The following AHDC1 variants were observed in gnomAD, a reference collection of about 807,000 sequenced individuals.
AHDC1 encodes transcription factor Gibbin.
A neutral mutation model predicts 87.9 loss-of-function variants in AHDC1; 7 were observed. The ratio of observed to expected loss-of-function variants is 0.08; its 90% CI spans 0.05 to 0.15. AHDC1 has a LOEUF of 0.15. Among genes scored for constraint, AHDC1 ranks in the 10% least tolerant of loss-of-function variants. AHDC1 has a pLI of 1.00. For synonymous variants in AHDC1, 1,051 were observed against 1,006.8 expected (o/e 1.04, Z -0.83); for missense variants, 1,841 against 2,253.2 (o/e 0.82, Z 3.70).
chr1:27,573,395 G>A (rs2088606284), intron 3 of AHDC1, among the ~76,000 whole-genome samples: 1 of 152,206 alleles, frequency 6.6e-6, no homozygotes, highest in Non-Finnish European at 1.5e-5. Context: ...AGCCCTCTAT[G>A]TGTGGTAAAG....
chr1:27,549,395 C>T lies in AHDC1; in HGVS notation c.2721G>A (p.Ala907=), dbSNP rs551076197. The T allele has an allele frequency of 1.1e-5, 17 of 1,612,920 alleles. No individual in the cohort carries two copies. The highest frequency in any genetic ancestry group is 2.2e-5 in the East Asian group (1 of 44,866). Residue 907 remains alanine, a synonymous_variant, in exon 8 of 9, where the codon GCG becomes GCA. Transcript: ENST00000673934. ...ACAGGACAGGCTGAAAGGAGGGGTC[C>T]GCCCCAGCCCCGCTGCTACCCACTG... ...PVAVGSSGAG[A]DPSFQPVLSA...
At position 27,558,453 on chromosome 1, in the gene AHDC1, G is replaced by C. The variant is rs1215758842; in HGVS notation, c.-373C>G. 2 of 281,744 alleles carry C rather than the reference G, an allele frequency of 7.1e-6. No individual in the cohort carries two copies. Among genetic ancestry groups the C allele is most frequent in the Non-Finnish European group, 1.3e-5 (2 of 152,248 alleles). 17.5% of individuals were successfully genotyped at this position (281,744 alleles called of 1,614,324 possible). A position where few individuals can be genotyped will look rare whatever the true frequency, so the allele number is the denominator to read the frequency against. ...CCCCTTTCTCCTCCCAGTTCTCTCA[G>C]GTCATCAAGGCGCAGGGAAGAGTCC... On this transcript the variant is annotated 5_prime_UTR_variant, in exon 5 of 9. Transcript: ENST00000673934. This position sits in a 1 kb window ranked among gnomAD's most constrained non-coding sequence, Gnocchi z 5.6.
Position 27,593,715 on chromosome 1 carries a change from C to G in AHDC1, c.-629+9682G>C, listed in dbSNP as rs1428603251. Among the ~76,000 whole-genome samples, 2 of 152,236 alleles carry G rather than the reference C, an allele frequency of 1.3e-5. No homozygotes were observed. On this transcript the variant is annotated intron_variant, in intron 3 of 8. Transcript: ENST00000673934. This position sits in a 1 kb window ranked among gnomAD's most constrained non-coding sequence, Gnocchi z 4.9. Reference sequence around the variant, plus strand: ...TGCTCTGAACCCCTCCCTATCTCACCAATCCCTGCTATCCCCCCAGGGTGG... The same window carrying G: ...TGCTCTGAACCCCTCCCTATCTCACGAATCCCTGCTATCCCCCCAGGGTGG...
At chr1:27,545,063 C>T (rs925046466) in intron 8 of AHDC1, among the ~76,000 whole-genome samples, 6 of 152,086 alleles carry the variant, frequency 3.9e-5, no homozygotes, top group Middle Eastern at 3.4e-3. Flanking sequence ...TGTTCTTCCC[C>T]CTCCCCGCCA....
Position 27,561,358 on chromosome 1 carries a change from C to A in AHDC1, c.-628-2475G>T, listed in dbSNP as rs2020074147. Reference sequence around the variant, plus strand: ...GGCCCTGAGTGTTGGGGGGGAACTTCAGGAGCAAAGCTGCCCTTAGCCCCT... The same window carrying A: ...GGCCCTGAGTGTTGGGGGGGAACTTAAGGAGCAAAGCTGCCCTTAGCCCCT... On this transcript the variant is annotated intron_variant, in intron 3 of 8. Transcript: ENST00000673934. This position sits in a 1 kb window ranked among gnomAD's most constrained non-coding sequence, Gnocchi z 4.2. Among the ~76,000 whole-genome samples the A allele has an allele frequency of 6.6e-6, 1 of 152,126 alleles. No homozygotes were observed. The highest frequency in any genetic ancestry group is 2.4e-5 in the African/African-American group (1 of 41,402).
chr1:27,568,043 C>T (rs1260512695), intron 3 of AHDC1: 2 of 152,318 alleles, frequency 1.3e-5, no homozygotes, highest in Non-Finnish European at 2.9e-5. Context: ...CTCTGTGTGA[C>T]TCTGGATGCA....
At position 27,593,223 on chromosome 1, in the gene AHDC1, C is replaced by T. The variant is rs2089275820; in HGVS notation, c.-629+10174G>A. 6.6e-6 allele frequency among the ~76,000 whole-genome samples: 1 copy of T among 152,020 alleles called. No homozygotes were observed. Among genetic ancestry groups the T allele is most frequent in the South Asian group, 2.1e-4 (1 of 4,826 alleles). ...GAAGGGGGAGCAGCTCCGTCCCTCC[C>T]CTCCCCCTCCACTCCTCCAGGCAGG... is the stretch of plus-strand genomic sequence containing the variant. On this transcript the variant is annotated intron_variant, in intron 3 of 8. Coordinates refer to ENST00000673934, the MANE Select transcript of AHDC1 (RefSeq NM_001371928.1). The surrounding 1 kb of genome is among the most constrained non-coding windows in gnomAD (Gnocchi z 4.9).
At chr1:27,556,637 A>G (rs2019828039) in intron 5 of AHDC1, among the ~76,000 whole-genome samples, 2 of 152,132 alleles carry the variant, frequency 1.3e-5, no homozygotes, top group Non-Finnish European at 2.9e-5. Context: ...CTCATTTGGC[A>G]TCATTTAAAT....
chr1:27,540,156 G>C (rs1034217427), intron 8 of AHDC1, among the ~76,000 whole-genome samples: 11 of 152,182 alleles, frequency 7.2e-5, no homozygotes, highest in African/African-American at 2.7e-4. Context: ...ATGACCAGGT[G>C]GCTCTGAGTC....
rs1329815106 is a variant in AHDC1 at position 27,551,948 on chromosome 1, G to A, written c.168C>T (p.Ala56=). ...SPPDKAFSTH[A]FSENPRPPPR... ...GGGGTGGGCGTGGGTTCTCGGAGAA[G>A]GCGTGGGTGGAGAAGGCCTTGTCAG... is the stretch of plus-strand genomic sequence containing the variant. Residue 56 remains alanine (A), a synonymous_variant, in exon 8 of 9, where the codon GCC becomes GCT. Transcript: ENST00000673934. The A allele has an allele frequency of 6.4e-7, 1 of 1,550,808 alleles. No individual in the cohort carries two copies. Among genetic ancestry groups the A allele is most frequent in the Non-Finnish European group, 8.7e-7 (1 of 1,147,442 alleles).
chr1:27,546,918 TACTC>T (rs2019193982), intron 8 of AHDC1, among the ~76,000 whole-genome samples: 1 of 152,128 alleles, frequency 6.6e-6, no homozygotes, highest in Non-Finnish European at 1.5e-5. Context: ...TCCTGGGAAA[TACTC>T]ACTTCCTGCC....
In AHDC1 at chr1:27,547,278, C is replaced by T. The variant is rs369478688; in HGVS notation, c.*26G>A. The T allele has an allele frequency of 3.4e-5, 52 of 1,514,016 alleles. No homozygotes were observed. The African/African-American group carries it at 6.3e-4, about 18-fold the overall frequency. 93.8% of individuals were successfully genotyped at this position (1,514,016 alleles called of 1,614,324 possible). A position where few individuals can be genotyped will look rare whatever the true frequency, so the allele number is the denominator to read the frequency against. ...AGACTCACCCAGGAACAAAACCTCG[C>T]GGTCCAGTCGGCACTTCAGTTGGCA... On this transcript the variant is annotated 3_prime_UTR_variant, in exon 8 of 9. Transcript: ENST00000673934. The surrounding 1 kb of genome is among the most constrained non-coding windows in gnomAD (Gnocchi z 4.9).
In AHDC1 at chr1:27,550,791, C is replaced by T; in HGVS notation, c.1325G>A (p.Gly442Asp). The T allele has an allele frequency of 6.4e-7, 1 of 1,567,474 alleles. No individual in the cohort carries two copies. Among genetic ancestry groups the T allele is most frequent in the Non-Finnish European group, 8.6e-7 (1 of 1,157,108 alleles). ...CTCTGGGACTGAGACCGGGCCTGGG[C>T]CTGGCAGGGCAGGGGGTGGAGGAGG... is the stretch of plus-strand genomic sequence containing the variant. ...PPPPPPPALP[G>D]PGPVSVPELK... The change falls in exon 8 of 9, where the codon GGC becomes GAC. Residue 442 changes from glycine (G) to aspartate (D), a missense_variant. Physicochemically the swap from Gly to Asp is moderately conservative, Grantham distance 94 (BLOSUM62 -1). Around this residue, in one of 13 missense-constraint regions of AHDC1, gnomAD observed 370 missense variants for 391.5 expected, o/e 0.95. Coordinates refer to ENST00000673934, the MANE Select transcript of AHDC1 (RefSeq NM_001371928.1).
At position 27,550,408 on chromosome 1, in the gene AHDC1, C is replaced by T. The variant is rs776339957; in HGVS notation, c.1708G>A (p.Glu570Lys). The T allele has an allele frequency of 5.6e-6, 9 of 1,611,562 alleles. No homozygotes were observed. Among genetic ancestry groups the T allele is most frequent in the African/African-American group, 1.3e-5 (1 of 75,006 alleles). ...GTGGCCGCTGCCACAGTGGCTGCCT[C>T]GGCCGCCACCACAGCTGGCTCCTTG... ...KPKEPAVVAA[E>K]AATVAAATMA... Residue 570 changes from glutamate to lysine, a missense_variant, in exon 8 of 9, where the codon GAG becomes AAG. By Grantham distance (56) the Glu-to-Lys change is moderately conservative. This residue lies in a region of AHDC1 where 84 missense variants were observed against 111.7 expected (regional missense o/e 0.75). Coordinates refer to ENST00000673934, the MANE Select transcript of AHDC1 (RefSeq NM_001371928.1).
At chr1:27,576,064 G>A (rs913692909) in intron 3 of AHDC1, among the ~76,000 whole-genome samples, 1 of 152,228 alleles carries the variant, frequency 6.6e-6, no homozygotes, top group East Asian at 1.9e-4. Context: ...TCGGGCAGTG[G>A]CTCCAGGGCG....
chr1:27,569,142 G>A (rs1339730420), intron 3 of AHDC1, among the ~76,000 whole-genome samples: 2 of 149,572 alleles, frequency 1.3e-5, no homozygotes, highest in Admixed American at 6.7e-5. Context: ...GGACACTGAC[G>A]CAGTCACATT....
rs763456777 is a variant in AHDC1 at position 27,547,858 on chromosome 1, C to T, written c.4258G>A (p.Ala1420Thr). 1.3e-6 allele frequency: 2 copies of T among 1,548,178 alleles called. No individual in the cohort carries two copies. The highest frequency in any genetic ancestry group is 1.4e-5 in the African/African-American group (1 of 73,486). Residue 1420 changes from alanine to threonine, a missense_variant, in exon 8 of 9, where the codon GCT (alanine) becomes ACT (threonine). Ala to Thr is a moderately conservative substitution (Grantham distance 58). This residue lies in a region of AHDC1 where 505 missense variants were observed against 626.2 expected (regional missense o/e 0.81). Transcript: ENST00000673934. This position sits in a 1 kb window ranked among gnomAD's most constrained non-coding sequence, Gnocchi z 4.9. Reference protein sequence around the residue: ...EELRPPPTKLAACEPLKHGLQ... With the variant: ...EELRPPPTKLTACEPLKHGLQ... Reference sequence around the variant, plus strand: ...CCATGCTTGAGGGGCTCGCAGGCAGCCAGCTTTGTGGGCGGTGGCCGCAGC... The same window carrying T: ...CCATGCTTGAGGGGCTCGCAGGCAGTCAGCTTTGTGGGCGGTGGCCGCAGC...
At chr1:27,599,004 G>A (rs1483628967) in intron 3 of AHDC1, among the ~76,000 whole-genome samples, 2 of 152,166 alleles carry the variant, frequency 1.3e-5, no homozygotes, top group African/African-American at 4.8e-5. Flanking sequence ...CAATGGATGG[G>A]GAAACTGAGG....
At chr1:27,538,178 G>A (rs927503151) in intron 8 of AHDC1, among the ~76,000 whole-genome samples, 17 of 151,750 alleles carry the variant, frequency 1.1e-4, no homozygotes, top group African/African-American at 3.6e-4. Flanking sequence ...GAGGTGGGTG[G>A]ATCTCTTGAG....
Sources: gnomAD v4.1 joint callset for allele counts (sites outside exome capture counted in the v4.1 genomes callset) on GRCh38, gnomAD v4.1.1 for gene constraint, gnomAD v4.1.1 regional missense constraint, Gnocchi (gnomAD v3.1) non-coding constraint, MANE v1.5 for transcripts, NCBI Gene and HGNC (gene_info 2026-07-23, HGNC 2026-07-21) for gene names.